The following KPNA4 variants were observed in gnomAD, a reference collection of about 807,000 sequenced individuals.
KPNA4 encodes importin subunit alpha-3.
In KPNA4, 13 loss-of-function variants were observed where a neutral mutation model predicts 71.3. The observed-to-expected ratio is 0.18, with a 90% CI of 0.12 to 0.29. KPNA4 has a LOEUF of 0.29. Among genes scored for constraint, KPNA4 ranks in the 10% least tolerant of loss-of-function variants. The probability of loss-of-function intolerance (pLI) is 1.00; values close to 1 mark genes in which losing one functional copy is unlikely to be tolerated. For synonymous variants in KPNA4, 189 were observed against 195.2 expected (o/e 0.97, Z 0.26); for missense variants, 334 against 603.2 (o/e 0.55, Z 4.67).
intron 2 of KPNA4, 121 bp from the exon 3 acceptor site, chr3:160,536,018 T>C: frequency 1.3e-6 from 1 of 755,286 alleles, no homozygotes; most frequent in Non-Finnish European, 1.8e-6. Flanking sequence ...ATGAAGTGCC[T>C]TTTAAAAGTA....
In KPNA4 at chr3:160,533,448, TA is replaced by T. The variant is rs202042106; in HGVS notation, c.288-1892del. 7.1e-3 allele frequency among the ~76,000 whole-genome samples: 1,010 copies of T among 143,226 alleles called. 7 individuals carry two copies. Among genetic ancestry groups the T allele is most frequent in the African/African-American group, 0.021 (808 of 38,232 alleles). 94.0% of individuals were successfully genotyped at this position (143,226 alleles called of 152,430 possible). A position where few individuals can be genotyped will look rare whatever the true frequency, so the allele number is the denominator to read the frequency against. On this transcript the variant is annotated intron_variant, in intron 5 of 16. Coordinates refer to ENST00000334256, the MANE Select transcript of KPNA4 (RefSeq NM_002268.5). The stretch of plus-strand genomic sequence containing the variant: ...CAGTGCTTAGCATTAAGTGGAAATT[TA>T]AAAAAAAAAAAAAAACCACTTCGAA...
rs1721678614 is a variant in KPNA4, at chr3:160,535,879, G to A, written c.133C>T (p.Leu45Phe). ...TGTGGTACATTCCTTCTCTTTAAGA[G>A]ATGTTCATCTCTTTTATTCTTAAAA... Reference protein sequence around the residue: ...ELRKNKRDEHLLKRRNVPHED... With the variant: ...ELRKNKRDEHFLKRRNVPHED... The change falls in exon 3 of 17, where the codon CTC becomes TTC. Residue 45 changes from leucine to phenylalanine, a missense_variant. By Grantham distance (22) the Leu-to-Phe change is conservative. Coordinates refer to ENST00000334256, the MANE Select transcript of KPNA4 (RefSeq NM_002268.5). The A allele has an allele frequency of 7.7e-6, 2 of 258,514 alleles. No individual in the cohort carries two copies. Among genetic ancestry groups the A allele is most frequent in the Middle Eastern group, 2.6e-3 (1 of 388 alleles). The allele number at this position is 258,514 out of a possible 1,614,324, so 16.0% of individuals were successfully genotyped here.
chr3:160,540,062 G>A (rs1241385675), intron 1 of KPNA4, among the ~76,000 whole-genome samples: 1 of 149,124 alleles, frequency 6.7e-6, no homozygotes, highest in Admixed American at 6.7e-5. Flanking sequence ...TACAGTAACG[G>A]GATCTCGGCT....
chr3:160,531,263 T>C (rs1237723555), intron 6 of KPNA4, among the ~76,000 whole-genome samples, 199 bp downstream of exon 6: 3 of 152,200 alleles, frequency 2.0e-5, no homozygotes, highest in African/African-American at 7.2e-5. Flanking sequence ...GTTAAATTTA[T>C]CATTCTCAAG....
At position 160,498,729 on chromosome 3, in the gene KPNA4, C is replaced by T. The variant is rs1720817478; in HGVS notation, c.*3375G>A. 1 of 152,168 alleles carries T rather than the reference C, an allele frequency of 6.6e-6. No individual in the cohort carries two copies. Among genetic ancestry groups the T allele is most frequent in the East Asian group, 1.9e-4 (1 of 5,194 alleles). The allele number at this position is 152,168 out of a possible 1,614,324, so 9.4% of individuals were successfully genotyped here. On this transcript the variant is annotated 3_prime_UTR_variant, in exon 17 of 17. Coordinates refer to ENST00000334256, the MANE Select transcript of KPNA4 (RefSeq NM_002268.5). ...GCCATATGTGCATAAAAGAGGACCCCCTAGCTTCAGATAAGACTGCAGCTC... is the reference window on the plus strand; with the variant it reads ...GCCATATGTGCATAAAAGAGGACCCTCTAGCTTCAGATAAGACTGCAGCTC...
chr3:160,527,821 A>G (rs1721487752), intron 8 of KPNA4, 132 bp downstream of exon 8: 1 of 575,314 alleles, frequency 1.7e-6, no homozygotes, highest in Non-Finnish European at 3.0e-6. Flanking sequence ...TACAGTTCAA[A>G]TTTCTGTAAG....
chr3:160,560,570 A>G (rs527284427), intron 1 of KPNA4, among the ~76,000 whole-genome samples: 1 of 152,208 alleles, frequency 6.6e-6, no homozygotes, highest in Non-Finnish European at 1.5e-5. Flanking sequence ...GGTATTAGAA[A>G]TCAATGTTTA....
At chr3:160,520,904 C>T (rs1042637411) in intron 11 of KPNA4, among the ~76,000 whole-genome samples, 2 of 152,172 alleles carry the variant, frequency 1.3e-5, no homozygotes, top group African/African-American at 2.4e-5. Flanking sequence ...CTGCGTCTCC[C>T]CCATTACAAC....
rs146141891 is a variant in KPNA4 at position 160,513,106 on chromosome 3, G to A, written c.1137+971C>T. ...CTGTGTCTCCTCATGTGAATCATTA[G>A]GAAATAGAGTTGTGCATGACATATT... On this transcript the variant is annotated intron_variant, in intron 13 of 16. Transcript: ENST00000334256. Among the ~76,000 whole-genome samples, 22 of 152,166 alleles carry A rather than the reference G, an allele frequency of 1.4e-4. No homozygotes were observed. In the East Asian group the frequency reaches 2.7e-3, roughly 19 times the overall value.
chr3:160,528,220 T>C (rs1721499984), intron 7 of KPNA4, among the ~76,000 whole-genome samples, 181 bp from the exon 8 acceptor site: 1 of 152,212 alleles, frequency 6.6e-6, no homozygotes, highest in Non-Finnish European at 1.5e-5. Flanking sequence ...CAGTGACTAT[T>C]TACTCAGTAT....
At chr3:160,531,427 T>G (rs758132426) in intron 6 of KPNA4, 35 bp downstream of exon 6, 2 of 1,141,254 alleles carry the variant, frequency 1.8e-6, no homozygotes, top group South Asian at 3.5e-5. Flanking sequence ...GGATACATTC[T>G]AAATTAAAAA....
At chr3:160,565,091 C>A in intron 1 of KPNA4, 123 bp downstream of exon 1, 1 of 778,762 alleles carries the variant, frequency 1.3e-6, no homozygotes, top group Non-Finnish European at 2.2e-6. Flanking sequence ...ACGGGCCGGC[C>A]CCTAGCGCCA....
intron 5 of KPNA4, among the ~76,000 whole-genome samples, chr3:160,534,320 T>C (rs1189932670): frequency 6.6e-6 from 1 of 152,186 alleles, no homozygotes; most frequent in Non-Finnish European, 1.5e-5. Context: ...AATTGCATTA[T>C]GATACAACCA....
Position 160,515,553 on chromosome 3 carries a change from T to C in KPNA4, c.931A>G (p.Ile311Val), listed in dbSNP as rs1270855670. ...GTTTGCTCATCAGTTCCAGTAACAA[T>C]GTTGCCCACAGCTCTAAGTGCAGCA... ...QTAALRAVGNIVTGTDEQTQV... is the reference protein window; with the variant it reads ...QTAALRAVGNVVTGTDEQTQV... Residue 311 changes from isoleucine to valine, a missense_variant, in exon 12 of 17, where the codon ATT becomes GTT. Coordinates refer to ENST00000334256, the MANE Select transcript of KPNA4 (RefSeq NM_002268.5). 1.2e-6 allele frequency: 2 copies of C among 1,613,826 alleles called. No homozygotes were observed. Among genetic ancestry groups the C allele is most frequent in the East Asian group, 2.2e-5 (1 of 44,872 alleles).
At chr3:160,509,724 C>A in intron 14 of KPNA4, 76 bp downstream of exon 14, 2 of 1,039,288 alleles carry the variant, frequency 1.9e-6, no homozygotes, top group Admixed American at 3.5e-5. Flanking sequence ...TTATAACTTA[C>A]TCAAATCTAA....
chr3:160,520,647 T>C (rs1305964892), intron 11 of KPNA4, among the ~76,000 whole-genome samples: 1 of 152,164 alleles, frequency 6.6e-6, no homozygotes. Flanking sequence ...AATCTGACTA[T>C]GTATCAGTAT....
intron 10 of KPNA4, among the ~76,000 whole-genome samples, chr3:160,523,048 T>A (rs1721386790): frequency 6.6e-6 from 1 of 152,212 alleles, no homozygotes; most frequent in Admixed American, 6.5e-5. Flanking sequence ...CAACTGTAAC[T>A]GCTGCAAATA....
intron 1 of KPNA4, among the ~76,000 whole-genome samples, chr3:160,546,749 C>T (rs943646337): frequency 9.1e-6 from 1 of 110,432 alleles, no homozygotes; most frequent in African/African-American, 3.1e-5. Flanking sequence ...GTTTCTGCTA[C>T]CATTATTCCC....
intron 2 of KPNA4, 53 bp downstream of exon 2, chr3:160,536,743 C>T (rs1202367285): frequency 7.7e-6 from 8 of 1,039,904 alleles, no homozygotes; most frequent in Non-Finnish European, 1.0e-5. Context: ...GTATATAATG[C>T]TATAATGTTG....
Sources: gnomAD v4.1 joint callset for allele counts (sites outside exome capture counted in the v4.1 genomes callset) on GRCh38, gnomAD v4.1.1 for gene constraint, MANE v1.5 for transcripts, NCBI Gene and HGNC (gene_info 2026-07-23, HGNC 2026-07-21) for gene names.